CHODL: variants seen among roughly 807,000 people sequenced by gnomAD.
CHODL encodes the protein transmembrane protein MT75.
In CHODL, 29 loss-of-function variants were observed where a neutral mutation model predicts 34.5. The observed-to-expected ratio is 0.84, with a 90% CI of 0.63 to 1.15. The LOEUF (loss-of-function observed/expected upper bound fraction) is 1.15. Ranked by LOEUF, CHODL falls within the 50% of genes most tolerant of loss-of-function variation. The pLI is 0.00. For synonymous variants in CHODL, 125 were observed against 116.1 expected, an observed-to-expected ratio of 1.08 and a Z score of -0.49; for missense variants, 332 against 332.5, an observed-to-expected ratio of 1.00 and a Z score of 0.01.
At chr21:18,022,224 G>A (rs2146426970) in intron 1 of CHODL, 1 of 152,220 alleles carries the variant, frequency 6.6e-6, no homozygotes. Flanking sequence ...AAAGGGTCCG[G>A]GAAAGATTTC....
chr21:18,153,450 C>A (rs953608544), intron 2 of CHODL, among the ~76,000 whole-genome samples: 1 of 152,182 alleles, frequency 6.6e-6, no homozygotes, highest in Non-Finnish European at 1.5e-5. Context: ...CATTCTTATG[C>A]TTCAAATATC....
intron 2 of CHODL, among the ~76,000 whole-genome samples, chr21:18,180,789 A>G (rs1256895550): frequency 6.6e-6 from 1 of 152,224 alleles, no homozygotes; most frequent in Non-Finnish European, 1.5e-5. Context: ...GGAGTTTCGC[A>G]TATGGAATCA....
chr21:18,259,853 T>TA (rs1197199180), intron 3 of CHODL, among the ~76,000 whole-genome samples: 3 of 152,204 alleles, frequency 2.0e-5, no homozygotes, highest in Admixed American at 6.5e-5. Flanking sequence ...ATCACACTCT[T>TA]ACGTTTGCCA....
rs530869557 is a variant in CHODL, at chr21:18,262,533, G to T, written c.635-258G>T. ...AATAGGATATCAAATATAAAAGATG[G>T]TATACCTATGTAGGGCAGCTCCATT... On this transcript the variant is annotated intron_variant, in intron 4 of 5. Transcript: ENST00000299295. 1.4e-4 allele frequency among the ~76,000 whole-genome samples: 21 copies of T among 152,182 alleles called. No homozygotes were observed. In the East Asian group the frequency reaches 3.3e-3, roughly 24 times the overall value.
chr21:17,938,771 C>T (rs1177772702), intron 1 of CHODL, among the ~76,000 whole-genome samples: 1 of 151,920 alleles, frequency 6.6e-6, no homozygotes, highest in Non-Finnish European at 1.5e-5. Context: ...AGCCACGGCG[C>T]CCGGCCGAAA....
chr21:18,177,765 A>G (rs1420302789), intron 2 of CHODL, among the ~76,000 whole-genome samples: 1 of 152,142 alleles, frequency 6.6e-6, no homozygotes, highest in Non-Finnish European at 1.5e-5. Context: ...ACATTAATGA[A>G]TTATTTAAGA....
At chr21:17,950,159 C>A (rs1020425867) in intron 1 of CHODL, among the ~76,000 whole-genome samples, 1 of 151,792 alleles carries the variant, frequency 6.6e-6, no homozygotes, top group South Asian at 2.1e-4. Context: ...AAGAAATAGA[C>A]CAGTTTGAGA....
At chr21:18,217,777 A>G (rs548205916) in intron 2 of CHODL, among the ~76,000 whole-genome samples, 24 of 152,298 alleles carry the variant, frequency 1.6e-4, no homozygotes, top group Admixed American at 5.2e-4. Flanking sequence ...GTTACTTCCT[A>G]GATACAATGG....
At chr21:18,177,024 C>G (rs1051799136) in intron 2 of CHODL, among the ~76,000 whole-genome samples, 1 of 151,746 alleles carries the variant, frequency 6.6e-6, no homozygotes, top group African/African-American at 2.4e-5. Flanking sequence ...GAGTCTTGAG[C>G]TATGAGGTTA....
chr21:18,248,801 T>C (rs1223554092), intron 1 of CHODL, among the ~76,000 whole-genome samples: 2 of 120,408 alleles, frequency 1.7e-5, no homozygotes, highest in Non-Finnish European at 3.2e-5. Flanking sequence ...TATATGTGTG[T>C]ATATATGTAT....
At chr21:18,248,772 A>ATATATGTGTGTATATATG (rs1227080652) in intron 1 of CHODL, among the ~76,000 whole-genome samples, 2 of 120,174 alleles carry the variant, frequency 1.7e-5, no homozygotes, top group African/African-American at 6.8e-5. Flanking sequence ...GTTATATATA[A>ATATATGTGTGTATATATG]TATATGTGTG....
intron 1 of CHODL, among the ~76,000 whole-genome samples, chr21:17,931,830 A>C (rs1443281416): frequency 3.3e-5 from 5 of 152,230 alleles, no homozygotes; most frequent in South Asian, 4.1e-4. Context: ...CTTAAATATA[A>C]GACATGAAAC....
At chr21:18,073,010 T>A (rs1360429393) in intron 2 of CHODL, among the ~76,000 whole-genome samples, 1 of 152,168 alleles carries the variant, frequency 6.6e-6, no homozygotes, top group Non-Finnish European at 1.5e-5. Context: ...AGGCTTCTTA[T>A]CAATGTGTAA....
chr21:18,198,723 T>C (rs2073617197), intron 2 of CHODL, among the ~76,000 whole-genome samples: 1 of 152,100 alleles, frequency 6.6e-6, no homozygotes, highest in Non-Finnish European at 1.5e-5. Flanking sequence ...TATTAATATG[T>C]CATATTTTTA....
chr21:18,055,904 A>C (rs1005200390), intron 2 of CHODL, among the ~76,000 whole-genome samples: 2 of 152,020 alleles, frequency 1.3e-5, no homozygotes, highest in African/African-American at 4.8e-5. Context: ...AGACAGTTTA[A>C]TGGTGACATG....
chr21:18,087,762 G>A lies in CHODL; in HGVS notation c.-45+59791G>A, dbSNP rs866215858. 7.4e-4 allele frequency among the ~76,000 whole-genome samples: 112 copies of A among 152,280 alleles called. 1 individual carries two copies. The highest frequency in any genetic ancestry group is 2.4e-3 in the African/African-American group (99 of 41,548). ...CAGTCTCACAGCAGCCTATTGCAGG[G>A]TATTATCCTAGATGTGTTTAGGAGG... On this transcript the variant is annotated intron_variant, in intron 2 of 6. Coordinates refer to the CHODL transcript ENST00000400127.
intron 2 of CHODL, among the ~76,000 whole-genome samples, chr21:18,147,736 C>A (rs1212426012): frequency 6.6e-6 from 1 of 152,188 alleles, no homozygotes; most frequent in Non-Finnish European, 1.5e-5. Context: ...AGTATGTAAA[C>A]AAATTAACAA....
intron 2 of CHODL, among the ~76,000 whole-genome samples, chr21:18,093,573 A>G (rs750184199): frequency 1.2e-4 from 19 of 152,174 alleles, no homozygotes; most frequent in Non-Finnish European, 2.5e-4. Context: ...ATAAGCAATA[A>G]CAAAATTAAA....
chr21:18,121,033 CTCATTTTGTACCCTGGCTG>C (rs1027601173), intron 2 of CHODL, among the ~76,000 whole-genome samples: 6 of 152,096 alleles, frequency 3.9e-5, no homozygotes, highest in African/African-American at 1.4e-4. Flanking sequence ...TCCAGATGCT[CTCATTTTGTACCCTGGCTG>C]TCTGTTTTCT....
Sources: gnomAD v4.1 joint callset for allele counts (sites outside exome capture counted in the v4.1 genomes callset) on GRCh38, gnomAD v4.1.1 for gene constraint, MANE v1.5 for transcripts, NCBI Gene and HGNC (gene_info 2026-07-23, HGNC 2026-07-21) for gene names.